The following MAOB variants were observed in gnomAD, a reference collection of about 807,000 sequenced individuals.
MAOB encodes amine oxidase [flavin-containing] B.
Under a neutral mutation model 41.9 loss-of-function variants are expected in MAOB, and 15 were observed. That is an observed-to-expected ratio of 0.36 (90% CI 0.24 to 0.55). MAOB has a LOEUF of 0.55. Among genes scored for constraint, MAOB ranks in the 20% least tolerant of loss-of-function variants. The pLI is 0.86. For synonymous variants in MAOB, 167 were observed against 144.2 expected (o/e 1.16, Z -1.13); for missense variants, 345 against 398.7 (o/e 0.87, Z 1.15).
chrX:43,793,486 A>G lies in MAOB; in HGVS notation c.861T>C (p.Thr287=). The G allele has an allele frequency of 8.3e-7, 1 of 1,202,068 alleles. No individual in the cohort carries two copies. The highest frequency in any genetic ancestry group is 1.1e-6 in the Non-Finnish European group (1 of 887,291). Residue 287 remains threonine (T), a synonymous_variant, in exon 8 of 15, where the codon ACT becomes ACC. Coordinates refer to ENST00000378069, the MANE Select transcript of MAOB (RefSeq NM_000898.5). The stretch of plus-strand genomic sequence containing the variant: ...TGATGACTGAACCCAAAGGCACACG[A>G]GTGATCATCTGGTTTCTCATCATTG... ...PLPMMRNQMI[T]RVPLGSVIKC...
intron 2 of MAOB, among the ~76,000 whole-genome samples, chrX:43,842,789 G>A (rs187144422): frequency 9.0e-6 from 1 of 111,588 alleles, no homozygotes; most frequent in Non-Finnish European, 1.9e-5. Flanking sequence ...TGAATTTGGA[G>A]GACATTATGC....
At position 43,767,407 on chromosome X, in the gene MAOB, C is replaced by G. The variant is rs1189245304; in HGVS notation, c.*59G>C. 2.4e-5 allele frequency: 27 copies of G among 1,111,392 alleles called. No individual in the cohort carries two copies. The Admixed American group carries it at 6.4e-4, about 26-fold the overall frequency. The allele number at this position is 1,111,392 out of a possible 1,213,427, so 91.6% of individuals were successfully genotyped here. ...CATGGAACTTTACTGCAACTCTTTC[C>G]CCAAACTCATATCCCAAATACAGTA... On this transcript the variant is annotated 3_prime_UTR_variant, in exon 15 of 15. Transcript: ENST00000378069.
At chrX:43,796,668 T>C (rs1418032355) in intron 6 of MAOB, among the ~76,000 whole-genome samples, 1 of 111,394 alleles carries the variant, frequency 9.0e-6, no homozygotes, top group Non-Finnish European at 1.9e-5. Flanking sequence ...AACTCCAATA[T>C]GTTCCTACTG....
At chrX:43,797,495 C>A (rs976279843) in intron 5 of MAOB, among the ~76,000 whole-genome samples, 1 of 112,106 alleles carries the variant, frequency 8.9e-6, no homozygotes, top group Non-Finnish European at 1.9e-5. Flanking sequence ...AGCTTCTATT[C>A]CAGATTCTGT....
At chrX:43,838,203 G>A (rs950699253) in intron 3 of MAOB, among the ~76,000 whole-genome samples, 1 of 111,683 alleles carries the variant, frequency 9.0e-6, no homozygotes, top group Admixed American at 9.5e-5. Flanking sequence ...ACAAAGAGGT[G>A]AGTGTGAACC....
chrX:43,880,414 C>A (rs2035465997), intron 1 of MAOB, among the ~76,000 whole-genome samples: 1 of 112,329 alleles, frequency 8.9e-6, no homozygotes, highest in South Asian at 3.7e-4. Context: ...TCTTGAGGGG[C>A]TTGTGCCATA....
chrX:43,791,757 A>C (rs1278044711), intron 8 of MAOB, among the ~76,000 whole-genome samples: 1 of 96,814 alleles, frequency 1.0e-5, no homozygotes, highest in Non-Finnish European at 2.0e-5. Context: ...ACTCCGTCTC[A>C]AAAAAAAAAA....
At chrX:43,807,050 G>A (rs2034672912) in intron 3 of MAOB, among the ~76,000 whole-genome samples, 2 of 111,813 alleles carry the variant, frequency 1.8e-5, no homozygotes, top group Admixed American at 9.5e-5. Context: ...GTGGTATTTA[G>A]AAGCAAGTTC....
chrX:43,835,503 A>T (rs1044881001), intron 3 of MAOB, among the ~76,000 whole-genome samples: 20 of 112,281 alleles, frequency 1.8e-4, no homozygotes, highest in Non-Finnish European at 1.3e-4. Context: ...TTGGTATCAC[A>T]TCTTTTATTT....
chrX:43,835,212 T>G (rs1211589553), intron 3 of MAOB, among the ~76,000 whole-genome samples: 2 of 112,277 alleles, frequency 1.8e-5, no homozygotes, highest in Admixed American at 1.9e-4. Flanking sequence ...GAAGTTTTTG[T>G]TTTTATCTTT....
intron 14 of MAOB, 108 bp from the exon 15 acceptor site, chrX:43,767,726 G>C: frequency 1.4e-6 from 1 of 689,888 alleles, no homozygotes; most frequent in South Asian, 3.7e-5. Context: ...CCAACGTCTA[G>C]ACCAGTAAAC....
At chrX:43,822,438 T>G (rs1327385923) in intron 3 of MAOB, among the ~76,000 whole-genome samples, 1 of 111,855 alleles carries the variant, frequency 8.9e-6, no homozygotes, top group Non-Finnish European at 1.9e-5. Context: ...ATAAGAAGGA[T>G]GCTGGGAAGA....
intron 3 of MAOB, among the ~76,000 whole-genome samples, chrX:43,824,452 G>C (rs1400138112): frequency 8.9e-6 from 1 of 112,219 alleles, no homozygotes; most frequent in Admixed American, 9.4e-5. Flanking sequence ...GGGAAACCGA[G>C]GCGGGTGGAT....
At chrX:43,824,705 T>C (rs1402438634) in intron 3 of MAOB, among the ~76,000 whole-genome samples, 3 of 112,092 alleles carry the variant, frequency 2.7e-5, no homozygotes, top group African/African-American at 9.7e-5. Context: ...AAAAGATTTG[T>C]ATTCTTCTTT....
At position 43,792,893 on chromosome X, in the gene MAOB, G is replaced by T. The variant is rs199626754; in HGVS notation, c.928+526C>A. 5.4e-5 allele frequency among the ~76,000 whole-genome samples: 6 copies of T among 111,919 alleles called. No homozygotes were observed. The East Asian group carries it at 1.7e-3, about 31-fold the overall frequency. ...CACATGCACTCACATGTTCATCGCA[G>T]CACTACTCACAATAGCAAACATATG... On this transcript the variant is annotated intron_variant, in intron 8 of 14. Transcript: ENST00000378069.
intron 1 of MAOB, among the ~76,000 whole-genome samples, chrX:43,874,604 C>A (rs774082606): frequency 9.0e-6 from 1 of 111,527 alleles, no homozygotes; most frequent in African/African-American, 3.3e-5. Flanking sequence ...CCCCCTCCTA[C>A]TAACTTTCCT....
chrX:43,850,932 T>C (rs748940941), intron 1 of MAOB, among the ~76,000 whole-genome samples: 40 of 112,495 alleles, frequency 3.6e-4, no homozygotes, highest in African/African-American at 1.3e-3. Context: ...ATAAAAATTG[T>C]CTCTTCATCA....
At chrX:43,842,545 C>T (rs940766757) in intron 2 of MAOB, among the ~76,000 whole-genome samples, 1 of 111,849 alleles carries the variant, frequency 8.9e-6, no homozygotes, top group East Asian at 2.8e-4. Context: ...ATAGAACTAC[C>T]GCATAATTCA....
chrX:43,815,441 C>T (rs1317261514), intron 3 of MAOB, among the ~76,000 whole-genome samples: 1 of 111,766 alleles, frequency 8.9e-6, no homozygotes, highest in Non-Finnish European at 1.9e-5. Flanking sequence ...CGACTATCTA[C>T]CAGTGTCAGC....
Sources: allele counts gnomAD v4.1 joint callset (sites outside exome capture counted in the v4.1 genomes callset), GRCh38; gene constraint gnomAD v4.1.1; transcripts MANE v1.5; gene names NCBI Gene and HGNC (gene_info 2026-07-23, HGNC 2026-07-21).